The following DPP10 variants were observed in gnomAD, a reference collection of about 807,000 sequenced individuals.
The protein encoded by DPP10 is inactive dipeptidyl peptidase 10.
In DPP10, 33 loss-of-function variants were observed where a neutral mutation model predicts 120.9. The observed-to-expected ratio is 0.27, with a 90% CI of 0.21 to 0.37. The LOEUF is 0.37. Ranked by LOEUF, DPP10 falls within the 10% of genes least tolerant of loss-of-function variation. The pLI is 1.00. For synonymous variants in DPP10, 337 were observed against 326.1 expected (o/e 1.03, Z -0.36); for missense variants, 816 against 942.8 (o/e 0.87, Z 1.76).
intron 1 of DPP10, among the ~76,000 whole-genome samples, chr2:115,250,565 G>A (rs932445982): frequency 6.6e-6 from 1 of 152,098 alleles, no homozygotes; most frequent in Non-Finnish European, 1.5e-5. Flanking sequence ...ATGGGATGTG[G>A]CAATGGCAGC....
intron 3 of DPP10, among the ~76,000 whole-genome samples, chr2:115,379,776 G>T (rs1427698639): frequency 2.0e-5 from 3 of 152,142 alleles, no homozygotes; most frequent in Non-Finnish European, 1.5e-5. Context: ...TGGTTTCAAA[G>T]AACATCTTTA....
chr2:114,609,081 GT>G (rs1693068817), intron 1 of DPP10, among the ~76,000 whole-genome samples: 1 of 152,120 alleles, frequency 6.6e-6, no homozygotes, highest in Admixed American at 6.6e-5. Context: ...AAAAAAGAAT[GT>G]AGAGCTTGGA....
At chr2:115,737,527 C>T (rs1676704578) in intron 8 of DPP10, among the ~76,000 whole-genome samples, 1 of 152,016 alleles carries the variant, frequency 6.6e-6, no homozygotes, top group African/African-American at 2.4e-5. Context: ...TATGGAGAGT[C>T]CCAAAGGCTC....
intron 1 of DPP10, among the ~76,000 whole-genome samples, chr2:115,252,212 A>G (rs769678889): frequency 6.6e-5 from 10 of 152,182 alleles, no homozygotes; most frequent in Non-Finnish European, 1.2e-4. Flanking sequence ...GAATTTCATG[A>G]CTAATTCTAA....
intron 5 of DPP10, among the ~76,000 whole-genome samples, chr2:115,539,776 G>A (rs1036318266): frequency 3.3e-5 from 5 of 150,108 alleles, no homozygotes; most frequent in South Asian, 2.1e-4. Context: ...TCAGAGAACC[G>A]TAACAGTAAT....
chr2:115,516,568 T>G (rs910517833), intron 4 of DPP10, among the ~76,000 whole-genome samples: 36 of 85,344 alleles, frequency 4.2e-4, no homozygotes, highest in African/African-American at 1.3e-3. Context: ...AGCCTTGTTA[T>G]TCTTTGTTTT....
intron 1 of DPP10, among the ~76,000 whole-genome samples, chr2:114,501,867 C>T (rs1033867734): frequency 1.3e-5 from 2 of 151,460 alleles, no homozygotes; most frequent in Non-Finnish European, 2.9e-5. Flanking sequence ...AAGTGTCTTT[C>T]CATCTGGTCA....
chr2:114,964,252 T>C (rs1698845995), intron 1 of DPP10, among the ~76,000 whole-genome samples: 1 of 152,188 alleles, frequency 6.6e-6, no homozygotes, highest in Non-Finnish European at 1.5e-5. Flanking sequence ...TTTTCCTTCC[T>C]TTCTTCTTTT....
At chr2:115,569,724 A>G (rs1466371702) in intron 5 of DPP10, among the ~76,000 whole-genome samples, 1 of 152,216 alleles carries the variant, frequency 6.6e-6, no homozygotes, top group African/African-American at 2.4e-5. Flanking sequence ...ATTCACAGCC[A>G]CAGCCATGTG....
At chr2:114,935,137 T>C (rs1240782986) in intron 1 of DPP10, among the ~76,000 whole-genome samples, 1 of 152,178 alleles carries the variant, frequency 6.6e-6, no homozygotes, top group Non-Finnish European at 1.5e-5. Flanking sequence ...ACAACCCCGC[T>C]GCTTCCCATT....
intron 1 of DPP10, among the ~76,000 whole-genome samples, chr2:114,512,628 T>C (rs995223078): frequency 1.3e-5 from 2 of 152,260 alleles, no homozygotes; most frequent in Admixed American, 1.3e-4. Context: ...GGCACAATGC[T>C]ACGGATGCAA....
At chr2:115,126,020 C>A (rs532633362) in intron 1 of DPP10, among the ~76,000 whole-genome samples, 1 of 152,260 alleles carries the variant, frequency 6.6e-6, no homozygotes, top group South Asian at 2.1e-4. Context: ...TTATTGAAAG[C>A]AACCCATATT....
intron 1 of DPP10, among the ~76,000 whole-genome samples, chr2:115,101,552 C>A (rs1362860493): frequency 6.6e-6 from 1 of 152,158 alleles, no homozygotes; most frequent in Admixed American, 6.5e-5. Context: ...CTCCTACACC[C>A]CCTACGAAGC....
intron 3 of DPP10, among the ~76,000 whole-genome samples, chr2:115,469,534 T>A (rs981125537): frequency 2.6e-5 from 4 of 152,290 alleles, no homozygotes; most frequent in East Asian, 1.9e-4. Flanking sequence ...AGAATCAATA[T>A]CCCTTCAGAG....
Position 115,094,083 on chromosome 2 carries a change from T to C in DPP10, c.61-215156T>C, listed in dbSNP as rs145557416. Among the ~76,000 whole-genome samples, 438 of 152,182 alleles carry C rather than the reference T, an allele frequency of 2.9e-3. 2 individuals are homozygous for C. The highest frequency in any genetic ancestry group is 0.01 in the African/African-American group (424 of 41,540). ...TGGTTTTCAGGGGCATCTAGTAACT[T>C]TGAGTTATTAAGTAATGAAATGTGA... On this transcript the variant is annotated intron_variant, in intron 1 of 25. Coordinates refer to ENST00000410059, the MANE Select transcript of DPP10 (RefSeq NM_020868.6).
chr2:115,552,967 AG>A (rs1209485595), intron 5 of DPP10, among the ~76,000 whole-genome samples: 1 of 152,074 alleles, frequency 6.6e-6, no homozygotes, highest in Non-Finnish European at 1.5e-5. Flanking sequence ...GTTTGAAACT[AG>A]GTTTATTCAG....
chr2:115,233,161 AATG>A (rs957205038), intron 1 of DPP10, among the ~76,000 whole-genome samples: 7 of 152,068 alleles, frequency 4.6e-5, no homozygotes, highest in Admixed American at 3.3e-4. Context: ...TATAAAATAG[AATG>A]ATCTTTCATC....
chr2:114,849,743 T>C (rs765041609), intron 1 of DPP10, among the ~76,000 whole-genome samples: 1 of 152,124 alleles, frequency 6.6e-6, no homozygotes, highest in Non-Finnish European at 1.5e-5. Context: ...AAAACACAGG[T>C]AAATACTATT....
At chr2:115,215,644 A>G (rs1473308570) in intron 1 of DPP10, among the ~76,000 whole-genome samples, 1 of 152,190 alleles carries the variant, frequency 6.6e-6, no homozygotes, top group Non-Finnish European at 1.5e-5. Flanking sequence ...AAAAGGGAAC[A>G]TATACATCAT....
Sources: gnomAD v4.1 joint callset for allele counts (sites outside exome capture counted in the v4.1 genomes callset) on GRCh38, gnomAD v4.1.1 for gene constraint, MANE v1.5 for transcripts, NCBI Gene and HGNC (gene_info 2026-07-23, HGNC 2026-07-21) for gene names.